The following UBAC2 variants were observed in gnomAD, a reference collection of about 807,000 sequenced individuals.
The protein encoded by UBAC2 is UBA domain containing 2.
In UBAC2, 26 loss-of-function variants were observed where a neutral mutation model predicts 44.0. The observed-to-expected ratio is 0.59, with a 90% CI of 0.43 to 0.82. UBAC2 has a LOEUF of 0.82. Ranked by LOEUF, UBAC2 falls within the 40% of genes least tolerant of loss-of-function variation. The probability of loss-of-function intolerance (pLI) is 0.00; values close to 1 mark genes in which losing one functional copy is unlikely to be tolerated. For synonymous variants in UBAC2, 155 were observed against 154.3 expected, an observed-to-expected ratio of 1.00 and a Z score of -0.04; for missense variants, 329 against 419.4, an observed-to-expected ratio of 0.78 and a Z score of 1.88.
At chr13:99,374,382 T>C (rs900412880) in intron 8 of UBAC2, among the ~76,000 whole-genome samples, 9 of 152,216 alleles carry the variant, frequency 5.9e-5, no homozygotes, top group Non-Finnish European at 1.3e-4. Context: ...AGTGACTCCA[T>C]TTAGTTTGGT....
At chr13:99,384,522 T>C (rs12430175) in intron 8 of UBAC2, among the ~76,000 whole-genome samples, 45,881 of 152,134 alleles carry the variant, frequency 0.3, 7,186 homozygotes, top group Middle Eastern at 0.45. Context: ...CAATGCATGC[T>C]TGTTCCTCCC....
chr13:99,379,942 G>A (rs186071924), intron 8 of UBAC2, among the ~76,000 whole-genome samples: 3 of 152,358 alleles, frequency 2.0e-5, no homozygotes, highest in Admixed American at 6.5e-5. Context: ...AGTGACGCAC[G>A]TGGGTTTTGG....
At chr13:99,225,578 G>A (rs2043102071) in intron 1 of UBAC2, among the ~76,000 whole-genome samples, 1 of 152,054 alleles carries the variant, frequency 6.6e-6, no homozygotes, top group Admixed American at 6.5e-5. Context: ...GGACACTTGG[G>A]TTCCTCCCGC....
intron 8 of UBAC2, among the ~76,000 whole-genome samples, chr13:99,371,714 T>C (rs1376198437): frequency 2.0e-5 from 3 of 152,258 alleles, no homozygotes; most frequent in African/African-American, 7.2e-5. Flanking sequence ...AGAAACTTAG[T>C]AATTTTTTAA....
intron 8 of UBAC2, among the ~76,000 whole-genome samples, chr13:99,380,371 G>A (rs938476528): frequency 6.6e-6 from 1 of 152,194 alleles, no homozygotes; most frequent in African/African-American, 2.4e-5. Flanking sequence ...TGGGGACTGG[G>A]CGTGCTGGGC....
At chr13:99,225,661 GGTCCTATTGGA>G (rs2043102975) in intron 1 of UBAC2, among the ~76,000 whole-genome samples, 1 of 152,192 alleles carries the variant, frequency 6.6e-6, no homozygotes, top group South Asian at 2.1e-4. Flanking sequence ...TTATGTGTCA[GGTCCTATTGGA>G]GGCATGAGGG....
At chr13:99,263,588 A>G (rs1387964381) in intron 4 of UBAC2, among the ~76,000 whole-genome samples, 1 of 152,200 alleles carries the variant, frequency 6.6e-6, no homozygotes, top group Non-Finnish European at 1.5e-5. Context: ...AAAACAGTTT[A>G]AGTATTAAAA....
chr13:99,349,177 GC>G (rs1219212388), intron 7 of UBAC2, among the ~76,000 whole-genome samples: 2 of 152,164 alleles, frequency 1.3e-5, no homozygotes, highest in Non-Finnish European at 2.9e-5. Flanking sequence ...TCCGAATGGT[GC>G]CTGTGCAACC....
At chr13:99,211,413 T>A (rs968219855) in intron 1 of UBAC2, among the ~76,000 whole-genome samples, 1 of 152,204 alleles carries the variant, frequency 6.6e-6, no homozygotes, top group Admixed American at 6.5e-5. Flanking sequence ...AGGACAAACA[T>A]CTGGGAAAAA....
At chr13:99,253,532 G>A (rs1454754458) in intron 4 of UBAC2, among the ~76,000 whole-genome samples, 2 of 145,732 alleles carry the variant, frequency 1.4e-5, no homozygotes, top group Non-Finnish European at 3.0e-5. Context: ...TTTTTTTTTT[G>A]AGACGGAGTC....
In UBAC2 at chr13:99,367,788, G is replaced by A; in HGVS notation, c.809G>A (p.Gly270Glu). ...AQGRRQRQQQ[G>E]GMINWNRLFP... is the part of the protein sequence containing the mutation. ...AACTGTGTGTTGATCTCTTTTTAGG[G>A]AGGAATGATCAATTGGAATCGTCTT... The change falls in exon 8 of 9, where the codon GGA becomes GAA. Residue 270 changes from glycine (G) to glutamate (E), a missense_variant and splice_region_variant. Transcript: ENST00000403766. 6.2e-7 allele frequency: 1 copy of A among 1,613,208 alleles called. No homozygotes were observed. The highest frequency in any genetic ancestry group is 8.5e-7 in the Non-Finnish European group (1 of 1,179,678).
chr13:99,303,074 C>T (rs2044280229), intron 4 of UBAC2, among the ~76,000 whole-genome samples: 1 of 152,134 alleles, frequency 6.6e-6, no homozygotes, highest in Admixed American at 6.5e-5. Flanking sequence ...TTAGTAGAGG[C>T]AGCCTTATTG....
intron 8 of UBAC2, among the ~76,000 whole-genome samples, chr13:99,382,816 C>T (rs1008296519): frequency 7.2e-5 from 11 of 152,048 alleles, no homozygotes; most frequent in African/African-American, 2.7e-4. Context: ...CCAAGACCCA[C>T]CAGGGGAAGA....
chr13:99,332,935 T>G (rs2044737058), intron 6 of UBAC2, among the ~76,000 whole-genome samples: 1 of 152,062 alleles, frequency 6.6e-6, no homozygotes. Context: ...ACTCGCTCAT[T>G]CAGAAGACCT....
At chr13:99,262,556 A>G (rs112651213) in intron 4 of UBAC2, among the ~76,000 whole-genome samples, 1,614 of 152,088 alleles carry the variant, frequency 0.011, 31 homozygotes, top group African/African-American at 0.038. Context: ...TACAAAAATT[A>G]GCTGGGCATG....
intron 1 of UBAC2, among the ~76,000 whole-genome samples, chr13:99,225,196 A>G (rs2043097568): frequency 6.6e-6 from 1 of 152,210 alleles, no homozygotes; most frequent in Admixed American, 6.5e-5. Context: ...ATTTTTGTGT[A>G]TAGTCCAGTA....
intron 4 of UBAC2, among the ~76,000 whole-genome samples, chr13:99,288,675 T>C (rs2044051349): frequency 6.6e-6 from 1 of 152,252 alleles, no homozygotes; most frequent in Non-Finnish European, 1.5e-5. Context: ...AAATAAATCC[T>C]GACTGATTTA....
At chr13:99,250,586 A>G (rs926277095) in intron 4 of UBAC2, among the ~76,000 whole-genome samples, 1 of 152,026 alleles carries the variant, frequency 6.6e-6, no homozygotes, top group Non-Finnish European at 1.5e-5. Flanking sequence ...ATTTTAGAAT[A>G]ATTTTTTCTA....
intron 4 of UBAC2, among the ~76,000 whole-genome samples, chr13:99,252,032 G>C (rs1381694454): frequency 6.6e-6 from 1 of 152,188 alleles, no homozygotes; most frequent in Non-Finnish European, 1.5e-5. Flanking sequence ...TGAGTAGCTG[G>C]GATTATAGGC....
Sources: gnomAD v4.1 joint callset for allele counts (sites outside exome capture counted in the v4.1 genomes callset) on GRCh38, gnomAD v4.1.1 for gene constraint, MANE v1.5 for transcripts, NCBI Gene and HGNC (gene_info 2026-07-23, HGNC 2026-07-21) for gene names.